Variants in KCNQ1OT1 observed in about 807,000 individuals in gnomAD.
KCNQ1OT1 encodes KCNQ1 antisense RNA 2 (non-protein coding).
exon 1 of KCNQ1OT1, chr11:2,631,182 C>A (rs976580508): frequency 5.5e-5 from 22 of 398,416 alleles, no homozygotes; most frequent in Non-Finnish European, 8.4e-5. Context: ...ACTTTCTACC[C>A]TTTACCTCTC....
exon 1 of KCNQ1OT1, chr11:2,630,640 A>G: frequency 2.5e-6 from 1 of 398,384 alleles, no homozygotes; most frequent in Non-Finnish European, 4.4e-6. Context: ...CTATTAGAGT[A>G]TTCTTAAGTT....
rs867168521 is a variant in KCNQ1OT1 at position 2,669,158 on chromosome 11, T to C, written n.30837A>G. On this transcript the variant is annotated non_coding_transcript_exon_variant, in exon 1 of 1. Transcript: ENST00000597346. This position sits in a 1 kb window ranked among gnomAD's most constrained non-coding sequence, Gnocchi z 5.6. The stretch of plus-strand genomic sequence containing the variant: ...TTGGGTGCCACTGGTCAGATTCAAG[T>C]TGTTCTTTGTGGCCAGGACCTTGCT... The C allele has an allele frequency of 9.0e-5, 36 of 398,670 alleles. No homozygotes were observed. In the Middle Eastern group the frequency reaches 1.9e-3, roughly 21 times the overall value. 24.7% of individuals were successfully genotyped at this position (398,670 alleles called of 1,614,324 possible).
At chr11:2,643,339 G>C in exon 1 of KCNQ1OT1, 1 of 398,314 alleles carries the variant, frequency 2.5e-6, no homozygotes, top group Admixed American at 4.4e-5. Flanking sequence ...TGGGTGCTTT[G>C]GTGTTGGGTG....
chr11:2,671,541 T>C lies in KCNQ1OT1; in HGVS notation n.28454A>G, dbSNP rs1169402238. ...ATTTTTCAAAGGTTAATTTTGACTC[T>C]GCCTGACTTATCTCCTAAGTCTTTG... On this transcript the variant is annotated non_coding_transcript_exon_variant, in exon 1 of 1. Transcript: ENST00000597346. The surrounding 1 kb of genome is among the most constrained non-coding windows in gnomAD (Gnocchi z 4.7). 7.5e-6 allele frequency: 3 copies of C among 398,666 alleles called. No individual in the cohort carries two copies. In the Admixed American group the frequency reaches 1.3e-4, roughly 18 times the overall value. 24.7% of individuals were successfully genotyped at this position (398,666 alleles called of 1,614,324 possible).
chr11:2,671,911 C>T lies in KCNQ1OT1; in HGVS notation n.28084G>A, dbSNP rs573381316. 47 of 398,560 alleles carry T rather than the reference C, an allele frequency of 1.2e-4. No homozygotes were observed. The highest frequency in any genetic ancestry group is 1.9e-4 in the Non-Finnish European group (42 of 226,128). The allele number at this position is 398,560 out of a possible 1,614,324, so 24.7% of individuals were successfully genotyped here. ...CACCAGGCAGCCAGCCTGTGGGCCC[C>T]GCTATGCTTCCTCAGGCAGCTAGTC... On this transcript the variant is annotated non_coding_transcript_exon_variant, in exon 1 of 1. Transcript: ENST00000597346. The surrounding 1 kb of genome is among the most constrained non-coding windows in gnomAD (Gnocchi z 4.7).
chr11:2,671,212 C>T lies in KCNQ1OT1; in HGVS notation n.28783G>A, dbSNP rs61870802. ...GAAAGAAAAATAAAAGGTAGAGAGA[C>T]AGAGGTAGACAGGAGTCCAGGTCTG... On this transcript the variant is annotated non_coding_transcript_exon_variant, in exon 1 of 1. Transcript: ENST00000597346. The surrounding 1 kb of genome is among the most constrained non-coding windows in gnomAD (Gnocchi z 4.7). 0.13 allele frequency: 51,254 copies of T among 398,494 alleles called. 3,467 individuals carry two copies. Among genetic ancestry groups the T allele is most frequent in the African/African-American group, 0.15 (7,355 of 48,682 alleles). 24.7% of individuals were successfully genotyped at this position (398,494 alleles called of 1,614,324 possible).
chr11:2,688,703 G>C (rs1246682425), exon 1 of KCNQ1OT1: 1 of 398,932 alleles, frequency 2.5e-6, no homozygotes, highest in Non-Finnish European at 4.4e-6. Context: ...GCCCAGCTGG[G>C]GCTGGCATAC....
chr11:2,683,132 T>C lies in KCNQ1OT1; in HGVS notation n.16863A>G. The C allele has an allele frequency of 5.1e-6, 2 of 393,664 alleles. No individual in the cohort carries two copies. The highest frequency in any genetic ancestry group is 2.6e-4 in the South Asian group (2 of 7,604). The allele number at this position is 393,664 out of a possible 1,614,324, so 24.4% of individuals were successfully genotyped here. A position where few individuals can be genotyped will look rare whatever the true frequency, so the allele number is the denominator to read the frequency against. On this transcript the variant is annotated non_coding_transcript_exon_variant, in exon 1 of 1. Coordinates refer to ENST00000597346, the Ensembl canonical transcript of KCNQ1OT1. This position sits in a 1 kb window ranked among gnomAD's most constrained non-coding sequence, Gnocchi z 4.7. Reference sequence around the variant, plus strand: ...GATATATCGCACCAACTCAGGAGGGTGTGGGGATGGGCTAGCATTAGGAAT... The same window carrying C: ...GATATATCGCACCAACTCAGGAGGGCGTGGGGATGGGCTAGCATTAGGAAT...
At chr11:2,619,968 A>G (rs1589985538) in exon 1 of KCNQ1OT1, 2 of 397,952 alleles carry the variant, frequency 5.0e-6, no homozygotes, top group Non-Finnish European at 8.8e-6. Flanking sequence ...CCTATCACCC[A>G]GGTAGTGAGC....
At position 2,642,026 on chromosome 11, in the gene KCNQ1OT1, T is replaced by C. The variant is rs945942135; in HGVS notation, n.57969A>G. The C allele has an allele frequency of 1.0e-5, 4 of 398,476 alleles. No individual in the cohort carries two copies. The highest frequency in any genetic ancestry group is 1.8e-5 in the Non-Finnish European group (4 of 225,958). 24.7% of individuals were successfully genotyped at this position (398,476 alleles called of 1,614,324 possible). ...CAATACCATGCTGCTTTTAATGCTA[T>C]AGCCTTATATTTTTAAATCAGGCAG... On this transcript the variant is annotated non_coding_transcript_exon_variant, in exon 1 of 1. Coordinates refer to ENST00000597346, the Ensembl canonical transcript of KCNQ1OT1. The surrounding 1 kb of genome is among the most constrained non-coding windows in gnomAD (Gnocchi z 4.3).
At position 2,647,915 on chromosome 11, in the gene KCNQ1OT1, C is replaced by T. The variant is rs929677940; in HGVS notation, n.52080G>A. ...TAATGGTTTATTGATTTTCTCTTTT[C>T]AAAAAATCAGTTTTTTGGCTGGGTT... On this transcript the variant is annotated non_coding_transcript_exon_variant, in exon 1 of 1. Coordinates refer to ENST00000597346, the Ensembl canonical transcript of KCNQ1OT1. The surrounding 1 kb of genome is among the most constrained non-coding windows in gnomAD (Gnocchi z 4.0). 7 of 398,132 alleles carry T rather than the reference C, an allele frequency of 1.8e-5. No homozygotes were observed. Among genetic ancestry groups the T allele is most frequent in the Non-Finnish European group, 3.1e-5 (7 of 226,000 alleles). 24.7% of individuals were successfully genotyped at this position (398,132 alleles called of 1,614,324 possible).
chr11:2,627,944 G>T lies in KCNQ1OT1; in HGVS notation n.72051C>A, dbSNP rs1849287735. The T allele has an allele frequency of 2.5e-6, 1 of 398,464 alleles. No individual in the cohort carries two copies. The highest frequency in any genetic ancestry group is 4.4e-6 in the Non-Finnish European group (1 of 226,056). 24.7% of individuals were successfully genotyped at this position (398,464 alleles called of 1,614,324 possible). ...TTTTAAAATTTTATGTAGAGATAGG[G>T]TATCACTATGTTTCCTAGGCTGGTC... On this transcript the variant is annotated non_coding_transcript_exon_variant, in exon 1 of 1. Coordinates refer to ENST00000597346, the Ensembl canonical transcript of KCNQ1OT1. The surrounding 1 kb of genome is among the most constrained non-coding windows in gnomAD (Gnocchi z 4.9).
At chr11:2,665,365 A>G (rs1850048223) in exon 1 of KCNQ1OT1, 1 of 398,062 alleles carries the variant, frequency 2.5e-6, no homozygotes, top group South Asian at 1.3e-4. Context: ...GAGCACCCCC[A>G]TGACAAGAGG....
chr11:2,648,705 T>G (rs1849705622), exon 1 of KCNQ1OT1: 1 of 398,528 alleles, frequency 2.5e-6, no homozygotes, highest in East Asian at 3.6e-5. Flanking sequence ...TGGTATATCC[T>G]GGAGAATGTG....
chr11:2,633,037 G>C, exon 1 of KCNQ1OT1: 1 of 398,446 alleles, frequency 2.5e-6, no homozygotes, highest in Non-Finnish European at 4.4e-6. Flanking sequence ...CCCACAAATA[G>C]TGTATTATTT....
At position 2,651,519 on chromosome 11, in the gene KCNQ1OT1, T is replaced by C. The variant is rs1023472157; in HGVS notation, n.48476A>G. On this transcript the variant is annotated non_coding_transcript_exon_variant, in exon 1 of 1. Transcript: ENST00000597346. The surrounding 1 kb of genome is among the most constrained non-coding windows in gnomAD (Gnocchi z 6.1). ...CTGTCAGTGTGAAGAACGTGAATGC[T>C]AAGGGCATATGAGTGTGTCCCTGAG... The C allele has an allele frequency of 1.0e-5, 4 of 398,554 alleles. No individual in the cohort carries two copies. Among genetic ancestry groups the C allele is most frequent in the African/African-American group, 2.1e-5 (1 of 48,634 alleles). 24.7% of individuals were successfully genotyped at this position (398,554 alleles called of 1,614,324 possible).
At chr11:2,666,268 G>A in exon 1 of KCNQ1OT1, 1 of 398,702 alleles carries the variant, frequency 2.5e-6, no homozygotes, top group Non-Finnish European at 4.4e-6. Flanking sequence ...GACCCCCGAG[G>A]CTGGGCAGAG....
chr11:2,664,891 C>A lies in KCNQ1OT1; in HGVS notation n.35104G>T, dbSNP rs1044287775. On this transcript the variant is annotated non_coding_transcript_exon_variant, in exon 1 of 1. Transcript: ENST00000597346. The surrounding 1 kb of genome is among the most constrained non-coding windows in gnomAD (Gnocchi z 5.1). ...CAAATTAAAAACATAAATAAAGACA[C>A]ATTTTGTTTCCATCTCGAGCTCTCC... is the stretch of plus-strand genomic sequence containing the variant. 1 of 398,534 alleles carries A rather than the reference C, an allele frequency of 2.5e-6. No individual in the cohort carries two copies. The highest frequency in any genetic ancestry group is 2.1e-5 in the African/African-American group (1 of 48,626). 24.7% of individuals were successfully genotyped at this position (398,534 alleles called of 1,614,324 possible).
At position 2,652,035 on chromosome 11, in the gene KCNQ1OT1, G is replaced by A; in HGVS notation, n.47960C>T. The A allele has an allele frequency of 2.5e-6, 1 of 398,656 alleles. No individual in the cohort carries two copies. The highest frequency in any genetic ancestry group is 4.4e-6 in the Non-Finnish European group (1 of 226,094). The allele number at this position is 398,656 out of a possible 1,614,324, so 24.7% of individuals were successfully genotyped here. Reference sequence around the variant, plus strand: ...GATGTTGAGCCTCCCCCCAGTTCTGGGGTGGCTCTGACTGTGTCCAGGCTC... The same window carrying A: ...GATGTTGAGCCTCCCCCCAGTTCTGAGGTGGCTCTGACTGTGTCCAGGCTC... On this transcript the variant is annotated non_coding_transcript_exon_variant, in exon 1 of 1. Transcript: ENST00000597346. This position sits in a 1 kb window ranked among gnomAD's most constrained non-coding sequence, Gnocchi z 5.9.
Sources: allele counts gnomAD v4.1 joint callset, GRCh38; gene constraint gnomAD v4.1.1; non-coding constraint Gnocchi (gnomAD v3.1); transcripts MANE v1.5; gene names NCBI Gene and HGNC (gene_info 2026-07-23, HGNC 2026-07-21).